The following UBR3 variants were observed in gnomAD, a reference collection of about 807,000 sequenced individuals.
UBR3 encodes the protein E3 ubiquitin-protein ligase UBR3.
Under a neutral mutation model 243.2 loss-of-function variants are expected in UBR3, and 85 were observed. The observed-to-expected ratio is 0.35, with a 90% CI of 0.29 to 0.42. The LOEUF (loss-of-function observed/expected upper bound fraction) is 0.42, where lower values mean the gene tolerates loss of function less well. Ranked by LOEUF, UBR3 falls within the 10% of genes least tolerant of loss-of-function variation. The pLI is 1.00. For missense variants in UBR3, 1,686 were observed against 2,300.8 expected (o/e 0.73, Z 5.47); for synonymous variants, 748 against 799.8 (o/e 0.94, Z 1.09).
chr2:169,959,640 C>T (rs1310419925), intron 24 of UBR3, among the ~76,000 whole-genome samples: 2 of 151,970 alleles, frequency 1.3e-5, no homozygotes, highest in African/African-American at 4.8e-5. Flanking sequence ...TATGTAATTA[C>T]AAAGATGACA....
intron 11 of UBR3, among the ~76,000 whole-genome samples, chr2:169,914,351 C>T (rs576583357): frequency 2.9e-4 from 44 of 152,182 alleles, no homozygotes; most frequent in African/African-American, 7.7e-4. Context: ...GATTCTGGAG[C>T]GCACTAATAT....
chr2:169,832,004 C>T (rs1223115259), intron 1 of UBR3, among the ~76,000 whole-genome samples: 1 of 152,094 alleles, frequency 6.6e-6, no homozygotes, highest in East Asian at 1.9e-4. Flanking sequence ...TCCTTTTCAC[C>T]AGTGTCTGAC....
chr2:169,839,685 A>G (rs2082229982), intron 1 of UBR3, among the ~76,000 whole-genome samples: 1 of 152,250 alleles, frequency 6.6e-6, no homozygotes, highest in Non-Finnish European at 1.5e-5. Flanking sequence ...ACACACATAT[A>G]GTGCAATGGT....
chr2:169,890,220 C>G (rs755197793), intron 5 of UBR3, among the ~76,000 whole-genome samples: 1 of 152,016 alleles, frequency 6.6e-6, no homozygotes, highest in Admixed American at 6.6e-5. Context: ...AGGGCTTCCT[C>G]CCCAAGAGGT....
intron 11 of UBR3, among the ~76,000 whole-genome samples, chr2:169,918,958 T>C (rs895381157): frequency 6.6e-6 from 1 of 152,196 alleles, no homozygotes; most frequent in African/African-American, 2.4e-5. Flanking sequence ...GACCAGGTGC[T>C]ATGTGGGACC....
chr2:169,882,264 A>G (rs1279397210), intron 5 of UBR3, among the ~76,000 whole-genome samples: 1 of 138,464 alleles, frequency 7.2e-6, no homozygotes, highest in East Asian at 2.0e-4. Context: ...ATATTTATAT[A>G]TATTTGTATA....
chr2:169,941,649 C>T (rs192299197), intron 19 of UBR3, among the ~76,000 whole-genome samples: 2 of 152,260 alleles, frequency 1.3e-5, no homozygotes, highest in African/African-American at 4.8e-5. Context: ...TAATCTCTTA[C>T]TGTGTCTAAT....
chr2:169,938,649 ATTCCAATTTTTTTCT>A lies in UBR3; in HGVS notation c.2664-3841_2664-3827del, dbSNP rs545547634. ...TCACAAATGTTTTAAATTTTGATGA[ATTCCAATTTTTTTCT>A]TTAATTTTCCTGTTTGTTGCCTAAA... is the stretch of plus-strand genomic sequence containing the variant. On this transcript the variant is annotated intron_variant, in intron 19 of 38. Coordinates refer to ENST00000272793, the MANE Select transcript of UBR3 (RefSeq NM_172070.4). 7.2e-5 allele frequency among the ~76,000 whole-genome samples: 11 copies of A among 152,274 alleles called. No individual in the cohort carries two copies. In the East Asian group the frequency reaches 2.1e-3, roughly 29 times the overall value.
At chr2:169,912,572 A>G (rs1008621313) in intron 10 of UBR3, among the ~76,000 whole-genome samples, 7 of 152,190 alleles carry the variant, frequency 4.6e-5, no homozygotes, top group Non-Finnish European at 8.8e-5. Flanking sequence ...ATTTCATTGT[A>G]TGGATATACA....
chr2:169,957,420 G>A (rs888012354), intron 23 of UBR3, among the ~76,000 whole-genome samples: 1 of 152,132 alleles, frequency 6.6e-6, no homozygotes, highest in African/African-American at 2.4e-5. Context: ...TAGGGACATG[G>A]ATGAAGCTGG....
At chr2:170,009,018 A>C (rs1474514532) in intron 29 of UBR3, 78 bp downstream of exon 29, 8 of 1,018,870 alleles carry the variant, frequency 7.9e-6, no homozygotes, top group Non-Finnish European at 9.3e-6. Flanking sequence ...TATTTGTTTT[A>C]TTTATTTAAA....
intron 24 of UBR3, among the ~76,000 whole-genome samples, chr2:169,966,430 C>G (rs1209258906): frequency 6.6e-6 from 1 of 152,080 alleles, no homozygotes; most frequent in African/African-American, 2.4e-5. Flanking sequence ...CAATTTTATC[C>G]CTGATCCCAC....
intron 5 of UBR3, among the ~76,000 whole-genome samples, chr2:169,885,211 T>A (rs1004961643): frequency 1.8e-4 from 27 of 152,160 alleles, no homozygotes; most frequent in African/African-American, 6.3e-4. Context: ...ATTTAAGATA[T>A]CATAAAGGAA....
At chr2:169,877,678 G>T in intron 4 of UBR3, 41 bp downstream of exon 4, 2 of 1,502,156 alleles carry the variant, frequency 1.3e-6, no homozygotes, top group South Asian at 2.7e-5. Context: ...TAACTTTTCT[G>T]TATTAAAACC....
chr2:170,021,001 A>C (rs2090375778), intron 30 of UBR3, among the ~76,000 whole-genome samples: 1 of 152,082 alleles, frequency 6.6e-6, no homozygotes, highest in Non-Finnish European at 1.5e-5. Context: ...TTTCAGAGAT[A>C]AGGAGTACTG....
chr2:169,993,222 T>C (rs1050501000), intron 25 of UBR3, among the ~76,000 whole-genome samples: 1 of 152,238 alleles, frequency 6.6e-6, no homozygotes, highest in African/African-American at 2.4e-5. Context: ...ATTTATGGGG[T>C]ACATAAATGT....
At chr2:169,889,842 A>G (rs753335720) in intron 5 of UBR3, among the ~76,000 whole-genome samples, 3 of 152,230 alleles carry the variant, frequency 2.0e-5, no homozygotes, top group Non-Finnish European at 2.9e-5. Context: ...GAGCTCCAGC[A>G]TGAAGCTGAG....
intron 31 of UBR3, among the ~76,000 whole-genome samples, chr2:170,037,661 T>G (rs2090867089): frequency 6.6e-6 from 1 of 152,196 alleles, no homozygotes; most frequent in African/African-American, 2.4e-5. Flanking sequence ...GTGTTGGGAT[T>G]ACAGGCGTGA....
intron 19 of UBR3, among the ~76,000 whole-genome samples, chr2:169,934,531 T>G (rs2086253381): frequency 6.6e-6 from 1 of 152,204 alleles, no homozygotes; most frequent in African/African-American, 2.4e-5. Flanking sequence ...CCACCGTGCC[T>G]GGCCGATTTG....
Sources: gnomAD v4.1 joint callset for allele counts (sites outside exome capture counted in the v4.1 genomes callset) on GRCh38, gnomAD v4.1.1 for gene constraint, MANE v1.5 for transcripts, NCBI Gene and HGNC (gene_info 2026-07-23, HGNC 2026-07-21) for gene names.